The following ADARB2 variants were observed in gnomAD, a reference collection of about 807,000 sequenced individuals.
ADARB2 encodes the protein adenosine deaminase RNA specific B2 (inactive), also known as inactive double-stranded RNA-specific editase B2.
Under a neutral mutation model 62.2 loss-of-function variants are expected in ADARB2, and 25 were observed. That is an observed-to-expected ratio of 0.40 (90% CI 0.29 to 0.56). ADARB2 has a LOEUF of 0.56. ADARB2 is among the 20% of genes least tolerant of loss of function. The pLI, the probability that ADARB2 is intolerant of heterozygous loss-of-function variation, is 0.43. For missense variants in ADARB2, 1,071 were observed against 1,077.4 expected, an observed-to-expected ratio of 0.99 and a Z score of 0.08; for synonymous variants, 572 against 500.8, an observed-to-expected ratio of 1.14 and a Z score of -1.90.
At chr10:1,606,068 C>G (rs972778654) in intron 1 of ADARB2, among the ~76,000 whole-genome samples, 1 of 152,188 alleles carries the variant, frequency 6.6e-6, no homozygotes, top group Non-Finnish European at 1.5e-5. Flanking sequence ...ATTTCTTTCA[C>G]GTGAAAATTA....
chr10:1,191,721 A>T (rs980563712), intron 8 of ADARB2, among the ~76,000 whole-genome samples: 1 of 152,246 alleles, frequency 6.6e-6, no homozygotes, highest in Non-Finnish European at 1.5e-5. Flanking sequence ...TCTGTATAGG[A>T]ATAAGCTGGT....
chr10:1,636,419 A>G (rs946795133), intron 1 of ADARB2, among the ~76,000 whole-genome samples: 2 of 152,156 alleles, frequency 1.3e-5, no homozygotes, highest in African/African-American at 4.8e-5. Context: ...CAGGAGGCTG[A>G]GGCAGGAGGA....
chr10:1,545,705 T>G (rs1031611537), intron 1 of ADARB2, among the ~76,000 whole-genome samples: 4 of 152,108 alleles, frequency 2.6e-5, no homozygotes. Flanking sequence ...GGGCCTATGG[T>G]GACTGTGCTG....
intron 1 of ADARB2, among the ~76,000 whole-genome samples, chr10:1,511,126 G>C (rs557111985): frequency 7.2e-5 from 11 of 152,262 alleles, no homozygotes; most frequent in African/African-American, 2.6e-4. Context: ...TTACAGATGT[G>C]GCCACCGGGC....
At chr10:1,369,270 G>C (rs142125260) in intron 2 of ADARB2, among the ~76,000 whole-genome samples, 1 of 152,130 alleles carries the variant, frequency 6.6e-6, no homozygotes, top group African/African-American at 2.4e-5. Context: ...GAAAACACCT[G>C]CCTCTAAGTA....
chr10:1,675,826 T>C (rs114429307), intron 1 of ADARB2, among the ~76,000 whole-genome samples: 3,773 of 151,848 alleles, frequency 0.025, 155 homozygotes, highest in African/African-American at 0.081. Flanking sequence ...TTGCAGGGAG[T>C]GAAGGGAAGC....
chr10:1,333,369 C>G (rs1266224749), intron 3 of ADARB2, among the ~76,000 whole-genome samples: 1 of 152,144 alleles, frequency 6.6e-6, no homozygotes, highest in East Asian at 1.9e-4. Context: ...TCCAAATTTT[C>G]TGCAGCACAG....
chr10:1,513,048 C>T (rs997349133), intron 1 of ADARB2, among the ~76,000 whole-genome samples: 2 of 152,248 alleles, frequency 1.3e-5, no homozygotes, highest in African/African-American at 4.8e-5. Context: ...GAAAATCTGC[C>T]AAGAGAGTAG....
At chr10:1,694,957 C>T (rs1048743457) in intron 1 of ADARB2, among the ~76,000 whole-genome samples, 3 of 152,152 alleles carry the variant, frequency 2.0e-5, no homozygotes, top group Non-Finnish European at 2.9e-5. Context: ...TACACAGCTC[C>T]ACGCCTGCAC....
At chr10:1,648,393 C>T (rs1834071427) in intron 1 of ADARB2, among the ~76,000 whole-genome samples, 1 of 152,134 alleles carries the variant, frequency 6.6e-6, no homozygotes, top group Admixed American at 6.5e-5. Context: ...CTCAAGCATC[C>T]CCAGGACCCT....
At chr10:1,509,580 A>G (rs1246441054) in intron 1 of ADARB2, among the ~76,000 whole-genome samples, 1 of 152,198 alleles carries the variant, frequency 6.6e-6, no homozygotes, top group Non-Finnish European at 1.5e-5. Flanking sequence ...ATTCTGCAGG[A>G]TTTGCAGATA....
chr10:1,607,462 T>C (rs1365366137), intron 1 of ADARB2, among the ~76,000 whole-genome samples: 6 of 152,168 alleles, frequency 3.9e-5, no homozygotes, highest in African/African-American at 1.2e-4. Flanking sequence ...AATGCTGTGA[T>C]CTGCAGCTGA....
intron 1 of ADARB2, among the ~76,000 whole-genome samples, chr10:1,476,401 C>T (rs961046989): frequency 1.3e-5 from 2 of 152,190 alleles, no homozygotes; most frequent in African/African-American, 4.8e-5. Flanking sequence ...ACACCTGGGG[C>T]TCAGGTGGTT....
chr10:1,573,699 T>A (rs2131994666), intron 1 of ADARB2, among the ~76,000 whole-genome samples: 1 of 152,144 alleles, frequency 6.6e-6, no homozygotes, highest in South Asian at 2.1e-4. Context: ...GGGTTCTCGT[T>A]ATGAGGTTTT....
At chr10:1,672,158 G>A (rs1184381014) in intron 1 of ADARB2, among the ~76,000 whole-genome samples, 1 of 151,890 alleles carries the variant, frequency 6.6e-6, no homozygotes, top group African/African-American at 2.4e-5. Context: ...GACAGCGGGT[G>A]TGGACAGCCT....
chr10:1,226,707 G>T (rs2133968), intron 6 of ADARB2, among the ~76,000 whole-genome samples: 3 of 152,072 alleles, frequency 2.0e-5, no homozygotes, highest in Non-Finnish European at 4.4e-5. Flanking sequence ...TATCTGCAGC[G>T]GTGGCTGTAG....
At chr10:1,733,768 A>G (rs916188887) in intron 1 of ADARB2, among the ~76,000 whole-genome samples, 5 of 152,188 alleles carry the variant, frequency 3.3e-5, no homozygotes, top group Admixed American at 6.5e-5. Flanking sequence ...TGTTGTACAT[A>G]ATTACCAAGA....
intron 1 of ADARB2, among the ~76,000 whole-genome samples, chr10:1,442,956 A>G (rs1365299436): frequency 6.6e-6 from 1 of 152,232 alleles, no homozygotes; most frequent in Non-Finnish European, 1.5e-5. Flanking sequence ...AACTGATAGA[A>G]GACAGTAAAG....
intron 1 of ADARB2, among the ~76,000 whole-genome samples, chr10:1,528,713 G>A (rs992977014): frequency 6.6e-6 from 1 of 152,196 alleles, no homozygotes. Flanking sequence ...GCCCTTTGTA[G>A]TGAAAACAGT....
Sources: gnomAD v4.1 joint callset for allele counts (sites outside exome capture counted in the v4.1 genomes callset) on GRCh38, gnomAD v4.1.1 for gene constraint, MANE v1.5 for transcripts, NCBI Gene and HGNC (gene_info 2026-07-23, HGNC 2026-07-21) for gene names.